TTC23L: variants seen among roughly 807,000 people sequenced by gnomAD.
TTC23L encodes tetratricopeptide repeat protein 23-like.
In TTC23L, 42 loss-of-function variants were observed where a neutral mutation model predicts 48.1. The observed-to-expected ratio is 0.87, with a 90% confidence interval of 0.68 to 1.13. The LOEUF (loss-of-function observed/expected upper bound fraction) is 1.13. Ranked by LOEUF, TTC23L falls within the 50% of genes most tolerant of loss-of-function variation. TTC23L has a pLI of 0.00. For missense variants in TTC23L, 391 were observed against 421.0 expected (o/e 0.93, Z 0.62); for synonymous variants, 159 against 157.2 (o/e 1.01, Z -0.09).
chr5:34,909,689 C>G, the TTC23L span, among the ~76,000 whole-genome samples: 2 of 152,130 alleles, frequency 1.3e-5, no homozygotes, highest in Admixed American at 6.5e-5. Flanking sequence ...CATGGAAGAC[C>G]TTGATCTAAG....
intron 9 of TTC23L, among the ~76,000 whole-genome samples, chr5:34,889,593 G>A (rs1047125674): frequency 2.0e-5 from 3 of 152,148 alleles, no homozygotes; most frequent in Non-Finnish European, 4.4e-5. Context: ...CCCAGAGGAG[G>A]ATGTTCTCCA....
chr5:34,846,667 A>ATG (rs869123650), intron 3 of TTC23L, among the ~76,000 whole-genome samples: 1,079 of 66,322 alleles, frequency 0.016, 10 homozygotes, highest in South Asian at 0.058. Flanking sequence ...ATATGTGTGT[A>ATG]TGTGTGTGTG....
chr5:34,897,539 C>T (rs1316066611), intron 10 of TTC23L, among the ~76,000 whole-genome samples: 1 of 152,010 alleles, frequency 6.6e-6, no homozygotes, highest in Non-Finnish European at 1.5e-5. Context: ...CCCAGGCTGG[C>T]CTCCAACTCC....
At chr5:34,865,971 T>A (rs779158161) in intron 6 of TTC23L, among the ~76,000 whole-genome samples, 4 of 152,210 alleles carry the variant, frequency 2.6e-5, no homozygotes, top group Non-Finnish European at 4.4e-5. Flanking sequence ...ACAACAAACT[T>A]GCAGTATAAA....
At chr5:34,894,923 GTGA>G (rs1172314024) in intron 9 of TTC23L, among the ~76,000 whole-genome samples, 1 of 151,054 alleles carries the variant, frequency 6.6e-6, no homozygotes, top group Non-Finnish European at 1.5e-5. Flanking sequence ...GATGTTAATG[GTGA>G]TGATGAAGAT....
intron 3 of TTC23L, among the ~76,000 whole-genome samples, chr5:34,846,363 C>T (rs1759139872): frequency 6.6e-6 from 1 of 150,910 alleles, no homozygotes; most frequent in African/African-American, 2.4e-5. Context: ...AGTTCAAGAC[C>T]AGCCTGGCCA....
chr5:34,854,625 T>C (rs1354947403), intron 4 of TTC23L, among the ~76,000 whole-genome samples: 4 of 152,190 alleles, frequency 2.6e-5, no homozygotes, highest in Non-Finnish European at 5.9e-5. Context: ...TGTGTCTGTG[T>C]GCGTTCATGC....
At chr5:34,844,444 C>CA (rs10675653) in intron 2 of TTC23L, among the ~76,000 whole-genome samples, 45,167 of 122,590 alleles carry the variant, frequency 0.37, 9,193 homozygotes, top group Middle Eastern at 0.46. Context: ...GCAGCAGCAG[C>CA]AAAAAAAAAA....
chr5:34,849,173 T>A (rs1290581096), intron 3 of TTC23L, among the ~76,000 whole-genome samples: 1 of 152,204 alleles, frequency 6.6e-6, no homozygotes, highest in Non-Finnish European at 1.5e-5. Flanking sequence ...GAAGAAGGAA[T>A]GATAGAATTA....
the TTC23L span, chr5:34,913,648 T>C: frequency 5.5e-6 from 5 of 913,618 alleles, no homozygotes. Flanking sequence ...GTCCTAGATT[T>C]CACTTTATAC....
intron 2 of TTC23L, among the ~76,000 whole-genome samples, chr5:34,844,376 G>A (rs1456917575): frequency 6.9e-6 from 1 of 145,220 alleles, no homozygotes; most frequent in Non-Finnish European, 1.5e-5. Context: ...TTCAAACCTG[G>A]TGTAAAAGAT....
At chr5:34,922,702 C>G in the TTC23L span, 1 of 1,613,042 alleles carries the variant, frequency 6.2e-7, no homozygotes, top group African/African-American at 1.3e-5. Context: ...TAGTTCATAC[C>G]CTCGCTGAAC....
At chr5:34,900,396 GAGGCAGAGGA>G (rs906584917), downstream of TTC23L, among the ~76,000 whole-genome samples, 32 of 152,040 alleles carry the variant, frequency 2.1e-4, no homozygotes, top group African/African-American at 7.5e-4. Context: ...AGCACTCTGG[GAGGCAGAGGA>G]AGGCAGACTG....
chr5:34,850,160 G>C (rs773633512), intron 3 of TTC23L, 25 bp from the exon 4 acceptor site: 3 of 1,612,834 alleles, frequency 1.9e-6, no homozygotes, highest in African/African-American at 2.7e-5. Context: ...TTTCCAAAAA[G>C]TATAATCACT....
the TTC23L span, chr5:34,914,735 A>T: frequency 6.2e-7 from 1 of 1,614,236 alleles, no homozygotes; most frequent in Non-Finnish European, 8.5e-7. Flanking sequence ...TGCATTTTCC[A>T]CTGTTACTTT....
the TTC23L span, chr5:34,916,667 A>T: frequency 1.3e-5 from 2 of 152,226 alleles, no homozygotes; most frequent in African/African-American, 4.8e-5. Flanking sequence ...GTGAACAAGG[A>T]TTATCTTTGA....
At chr5:34,918,169 A>C in the TTC23L span, 1 of 357,186 alleles carries the variant, frequency 2.8e-6, no homozygotes. Flanking sequence ...AACTAGCTGG[A>C]CATGGTGGCA....
chr5:34,851,866 T>C (rs1009823543), intron 4 of TTC23L, among the ~76,000 whole-genome samples: 1 of 152,174 alleles, frequency 6.6e-6, no homozygotes, highest in African/African-American at 2.4e-5. Flanking sequence ...TGGTGGTCCC[T>C]ATGCTCTAGG....
the TTC23L span, chr5:34,919,935 C>T: frequency 1.5e-6 from 1 of 682,348 alleles, no homozygotes; most frequent in Non-Finnish European, 2.5e-6. Context: ...TTAACAGTGG[C>T]TTATTTCAAA....
Sources: gnomAD v4.1 joint callset for allele counts (sites outside exome capture counted in the v4.1 genomes callset) on GRCh38, gnomAD v4.1.1 for gene constraint, MANE v1.5 for transcripts, NCBI Gene and HGNC (gene_info 2026-07-23, HGNC 2026-07-21) for gene names.